GIPC2: variants seen among roughly 807,000 people sequenced by gnomAD.
The protein encoded by GIPC2 is PDZ domain-containing protein GIPC2.
In GIPC2, 30 loss-of-function variants were observed where a neutral mutation model predicts 30.6. The observed-to-expected ratio is 0.98, with a 90% CI of 0.73 to 1.33. GIPC2 has a LOEUF of 1.33. GIPC2 is among the 40% of genes most tolerant of loss of function. The pLI is 0.00. For missense variants in GIPC2, 414 were observed against 390.3 expected, an observed-to-expected ratio of 1.06 and a Z score of -0.51; for synonymous variants, 167 against 150.0, an observed-to-expected ratio of 1.11 and a Z score of -0.83.
chr1:78,115,596 ACT>A (rs1662553848), intron 3 of GIPC2, among the ~76,000 whole-genome samples: 1 of 151,960 alleles, frequency 6.6e-6, no homozygotes, highest in African/African-American at 2.4e-5. Context: ...TCTTTTTGAA[ACT>A]CTATGCTGAG....
At chr1:78,112,268 A>G (rs1350337531) in intron 3 of GIPC2, among the ~76,000 whole-genome samples, 1 of 152,140 alleles carries the variant, frequency 6.6e-6, no homozygotes, top group East Asian at 1.9e-4. Context: ...TCATTTTCAC[A>G]CAGGCCCTCA....
chr1:78,064,554 TG>T (rs149837512), intron 1 of GIPC2, among the ~76,000 whole-genome samples: 2,420 of 152,196 alleles, frequency 0.016, 60 homozygotes, highest in African/African-American at 0.055. Context: ...AGTTAGAAGA[TG>T]ATAAAAAGGG....
chr1:78,094,748 A>G, intron 2 of GIPC2: 1 of 441,212 alleles, frequency 2.3e-6, no homozygotes, highest in African/African-American at 2.0e-5. Context: ...TTGTTATGTC[A>G]ATACATTGTA....
At chr1:78,086,050 G>T (rs1333419381) in intron 2 of GIPC2, among the ~76,000 whole-genome samples, 1 of 151,956 alleles carries the variant, frequency 6.6e-6, no homozygotes, top group Non-Finnish European at 1.5e-5. Flanking sequence ...CTTTTTTAAT[G>T]TGGGCATTAT....
intron 2 of GIPC2, among the ~76,000 whole-genome samples, chr1:78,093,136 T>C (rs573258930): frequency 6.6e-6 from 1 of 152,314 alleles, no homozygotes; most frequent in South Asian, 2.1e-4. Flanking sequence ...AGAGATAAAT[T>C]AGAATAAAAA....
At chr1:78,059,351 A>G (rs1661351656) in intron 1 of GIPC2, among the ~76,000 whole-genome samples, 1 of 152,244 alleles carries the variant, frequency 6.6e-6, no homozygotes, top group Admixed American at 6.5e-5. Context: ...CTTTATGTAC[A>G]AAGTATTGAG....
At chr1:78,069,296 C>G (rs2100321537) in intron 1 of GIPC2, among the ~76,000 whole-genome samples, 1 of 152,106 alleles carries the variant, frequency 6.6e-6, no homozygotes, top group East Asian at 1.9e-4. Context: ...CACATACACT[C>G]CAGATTGAGG....
At chr1:78,129,192 A>G (rs1258002114) in intron 5 of GIPC2, among the ~76,000 whole-genome samples, 1 of 152,214 alleles carries the variant, frequency 6.6e-6, no homozygotes, top group Non-Finnish European at 1.5e-5. Flanking sequence ...ATCATTACAC[A>G]TGATTAGCAA....
At position 78,046,349 on chromosome 1, in the gene GIPC2, G is replaced by T; in HGVS notation, c.240+15G>T. The T allele has an allele frequency of 3.1e-6, 5 of 1,598,330 alleles. No individual in the cohort carries two copies. The highest frequency in any genetic ancestry group is 4.3e-6 in the Non-Finnish European group (5 of 1,172,364). Reference sequence around the variant, plus strand: ...CGCCGTCGGAGGTAAGGCGCCAGGTGCTCAGGCTCTCCCGCCTCTCCGCCG... The same window carrying T: ...CGCCGTCGGAGGTAAGGCGCCAGGTTCTCAGGCTCTCCCGCCTCTCCGCCG... On this transcript the variant is annotated intron_variant, in intron 1 of 5. Coordinates refer to ENST00000370759, the MANE Select transcript of GIPC2 (RefSeq NM_017655.6).
At position 78,108,368 on chromosome 1, in the gene GIPC2, T is replaced by C. The variant is rs115861132; in HGVS notation, c.608-11025T>C. Among the ~76,000 whole-genome samples, 252 of 152,316 alleles carry C rather than the reference T, an allele frequency of 1.7e-3. 5 individuals carry two copies. Among genetic ancestry groups the C allele is most frequent in the African/African-American group, 5.8e-3 (240 of 41,578 alleles). The stretch of plus-strand genomic sequence containing the variant: ...AGCGTTGGGGCTTTCTTAAATGACA[T>C]CTTAACTAAAGAACAAGAAGATTTC... On this transcript the variant is annotated intron_variant, in intron 3 of 5. Transcript: ENST00000370759.
chr1:78,110,790 A>T (rs2100411124), intron 3 of GIPC2, among the ~76,000 whole-genome samples: 1 of 152,284 alleles, frequency 6.6e-6, no homozygotes, highest in East Asian at 1.9e-4. Flanking sequence ...TCTGCTTATG[A>T]ATCACTTTCT....
chr1:78,135,619 A>T lies in GIPC2; in HGVS notation c.824A>T (p.Asp275Val). 6.3e-7 allele frequency: 1 copy of T among 1,597,132 alleles called. No individual in the cohort carries two copies. Among genetic ancestry groups the T allele is most frequent in the African/African-American group, 1.3e-5 (1 of 74,772 alleles). ...ACCACAATGTTTGAAGCTGGAAAGG[A>T]CAAAGTAAATCCAGATGAATTTGCT... ...LATTMFEAGK[D>V]KVNPDEFAVA... is the part of the protein sequence containing the mutation. The change falls in exon 6 of 6, where the codon GAC (aspartate) becomes GTC (valine). Residue 275 changes from aspartate to valine, a missense_variant. Coordinates refer to ENST00000370759, the MANE Select transcript of GIPC2 (RefSeq NM_017655.6).
At position 78,046,276 on chromosome 1, in the gene GIPC2, C is replaced by T. The variant is rs17101180; in HGVS notation, c.182C>T (p.Ser61Phe). The T allele has an allele frequency of 7.9e-3, 12,672 of 1,611,900 alleles. 613 individuals carry two copies. In the East Asian group the frequency reaches 0.11, roughly 14 times the overall value. Reference protein sequence around the residue: ...GSATGRVEGFSSIQELYAQIA... With the variant: ...GSATGRVEGFFSIQELYAQIA... ...GCCACGGGCCGAGTGGAGGGCTTCT[C>T]CAGCATCCAGGAGCTCTACGCCCAG... Residue 61 changes from serine (S) to phenylalanine (F), a missense_variant, in exon 1 of 6, where the codon TCC (serine) becomes TTC (phenylalanine). By Grantham distance (155) the Ser-to-Phe change is radical. Coordinates refer to ENST00000370759, the MANE Select transcript of GIPC2 (RefSeq NM_017655.6).
At chr1:78,057,456 A>G (rs1043872313) in intron 1 of GIPC2, among the ~76,000 whole-genome samples, 12 of 152,236 alleles carry the variant, frequency 7.9e-5, no homozygotes, top group African/African-American at 2.9e-4. Flanking sequence ...TAGGCATGCA[A>G]TATGTAATGA....
chr1:78,138,351 GA>G lies in GIPC2; in HGVS notation c.*2612del, dbSNP rs1663043841. 6.6e-6 allele frequency: 1 copy of G among 152,170 alleles called. No homozygotes were observed. The highest frequency in any genetic ancestry group is 1.5e-5 in the Non-Finnish European group (1 of 68,040). The allele number at this position is 152,170 out of a possible 1,614,324, so 9.4% of individuals were successfully genotyped here. ...AGCTGCTACATCCAATATTGTGACT[GA>G]AAATTAACTAAAGAGAGATAATTTT... On this transcript the variant is annotated 3_prime_UTR_variant, in exon 6 of 6. Coordinates refer to ENST00000370759, the MANE Select transcript of GIPC2 (RefSeq NM_017655.6).
intron 3 of GIPC2, among the ~76,000 whole-genome samples, chr1:78,111,751 T>C (rs1364213484): frequency 6.6e-6 from 1 of 152,220 alleles, no homozygotes; most frequent in Admixed American, 6.5e-5. Flanking sequence ...CATACAGTGG[T>C]CATTTGAGTA....
Position 78,137,238 on chromosome 1 carries a change from G to A in GIPC2, c.*1495G>A, listed in dbSNP as rs1349119139. The A allele has an allele frequency of 6.6e-6, 1 of 152,074 alleles. No individual in the cohort carries two copies. The highest frequency in any genetic ancestry group is 2.4e-5 in the African/African-American group (1 of 41,414). 9.4% of individuals were successfully genotyped at this position (152,074 alleles called of 1,614,324 possible). On this transcript the variant is annotated 3_prime_UTR_variant, in exon 6 of 6. Coordinates refer to ENST00000370759, the MANE Select transcript of GIPC2 (RefSeq NM_017655.6). ...CATTTGAAAATAAAATCCAGCTCAGGTTGTAACTTGTTGGTACTCGTTTAG... is the reference window on the plus strand; with the variant it reads ...CATTTGAAAATAAAATCCAGCTCAGATTGTAACTTGTTGGTACTCGTTTAG...
intron 4 of GIPC2, among the ~76,000 whole-genome samples, chr1:78,120,229 C>T (rs1571523649): frequency 1.3e-5 from 2 of 152,224 alleles, no homozygotes; most frequent in Non-Finnish European, 2.9e-5. Flanking sequence ...CGTATTTCTT[C>T]TCTGTTCTCA....
chr1:78,101,297 G>A (rs1225701063), intron 3 of GIPC2, among the ~76,000 whole-genome samples: 2 of 152,174 alleles, frequency 1.3e-5, no homozygotes, highest in African/African-American at 2.4e-5. Context: ...GGGGCTCTGA[G>A]GGAGGAATAA....
Sources: gnomAD v4.1 joint callset for allele counts (sites outside exome capture counted in the v4.1 genomes callset) on GRCh38, gnomAD v4.1.1 for gene constraint, MANE v1.5 for transcripts, NCBI Gene and HGNC (gene_info 2026-07-23, HGNC 2026-07-21) for gene names.